The following KIAA0825 variants were observed in gnomAD, a reference collection of about 807,000 sequenced individuals.
KIAA0825 encodes KIAA0825.
In KIAA0825, 119 loss-of-function variants were observed where a neutral mutation model predicts 147.6. That is an observed-to-expected ratio of 0.81 (90% CI 0.69 to 0.94). KIAA0825 has a LOEUF of 0.94. KIAA0825 is among the 40% of genes least tolerant of loss of function. The pLI, the probability that KIAA0825 is intolerant of heterozygous loss-of-function variation, is 0.00. For synonymous variants in KIAA0825, 470 were observed against 518.1 expected (o/e 0.91, Z 1.26); for missense variants, 1,381 against 1,472.7 (o/e 0.94, Z 1.02).
chr5:94,415,291 GT>G (rs999894586), intron 15 of KIAA0825: 3 of 152,082 alleles, frequency 2.0e-5, no homozygotes, highest in Non-Finnish European at 4.4e-5. Flanking sequence ...GTTAATCTGG[GT>G]AGGTTAATTA....
chr5:94,544,044 T>C (rs1029099734), intron 2 of KIAA0825, among the ~76,000 whole-genome samples: 2 of 152,248 alleles, frequency 1.3e-5, no homozygotes, highest in African/African-American at 4.8e-5. Context: ...TTAATACACT[T>C]GCTTTCACTT....
At chr5:94,400,281 A>C (rs571755031) in intron 16 of KIAA0825, among the ~76,000 whole-genome samples, 2 of 152,222 alleles carry the variant, frequency 1.3e-5, no homozygotes, top group East Asian at 3.9e-4. Flanking sequence ...GAAACTTTCC[A>C]TTTGCAATAT....
At chr5:94,475,738 G>C (rs1417161240) in intron 7 of KIAA0825, among the ~76,000 whole-genome samples, 1 of 152,146 alleles carries the variant, frequency 6.6e-6, no homozygotes, top group East Asian at 1.9e-4. Context: ...GAACTTGGGA[G>C]GCGGAGATTG....
chr5:94,358,256 T>TA (rs1744577532), intron 20 of KIAA0825, among the ~76,000 whole-genome samples: 1 of 152,180 alleles, frequency 6.6e-6, no homozygotes, highest in African/African-American at 2.4e-5. Flanking sequence ...TTTTAAAACA[T>TA]AAGCACGAAT....
intron 14 of KIAA0825, among the ~76,000 whole-genome samples, chr5:94,426,033 CATT>C (rs60733170): frequency 3.4e-5 from 5 of 147,482 alleles, no homozygotes; most frequent in Admixed American, 1.3e-4. Flanking sequence ...TTATTATTAT[CATT>C]ATTATTATTA....
chr5:94,384,484 C>A, intron 19 of KIAA0825, 26 bp from the exon 20 acceptor site: 2 of 1,515,068 alleles, frequency 1.3e-6, no homozygotes, highest in South Asian at 1.2e-5. Flanking sequence ...TGAGAAGACA[C>A]TATTGTTAGT....
chr5:94,256,447 T>G (rs1776258563), intron 20 of KIAA0825, among the ~76,000 whole-genome samples: 1 of 152,164 alleles, frequency 6.6e-6, no homozygotes, highest in Non-Finnish European at 1.5e-5. Flanking sequence ...AAAATGTAAA[T>G]TCACTGCTCA....
At chr5:94,573,285 T>C in intron 2 of KIAA0825, among the ~76,000 whole-genome samples, 1 of 150,822 alleles carries the variant, frequency 6.6e-6, no homozygotes, top group East Asian at 1.9e-4. Context: ...TTTTTTTTTT[T>C]TTTGAGAGGG....
Position 94,524,072 on chromosome 5 carries a change from T to C in KIAA0825, c.158A>G (p.Gln53Arg). Reference protein sequence around the residue: ...ASIKHCIKEIQSEINKQCPGV... With the variant: ...ASIKHCIKEIRSEINKQCPGV... The stretch of plus-strand genomic sequence containing the variant: ...TGGACATTGTTTGTTAATTTCGGAC[T>C]GTATCTCTTTAATGCAATGTTTTAT... Residue 53 changes from glutamine (Q) to arginine (R), a missense_variant, in exon 4 of 21, where the codon CAG becomes CGG. Physicochemically the swap from Gln to Arg is conservative, Grantham distance 43. Transcript: ENST00000682413. The C allele has an allele frequency of 1.9e-6, 3 of 1,608,688 alleles. No homozygotes were observed. Among genetic ancestry groups the C allele is most frequent in the Middle Eastern group, 3.3e-4 (2 of 6,050 alleles).
At chr5:94,321,129 C>G (rs1780144695) in intron 20 of KIAA0825, among the ~76,000 whole-genome samples, 1 of 151,896 alleles carries the variant, frequency 6.6e-6, no homozygotes, top group African/African-American at 2.4e-5. Flanking sequence ...ATGAATGAAA[C>G]TATAAATGGC....
At chr5:94,255,809 G>C (rs1384539927) in intron 20 of KIAA0825, among the ~76,000 whole-genome samples, 1 of 143,014 alleles carries the variant, frequency 7.0e-6, no homozygotes, top group Non-Finnish European at 1.5e-5. Flanking sequence ...ACCTCCCCGG[G>C]CTCAGGTGAT....
chr5:94,544,985 C>G (rs1465815482), intron 2 of KIAA0825, among the ~76,000 whole-genome samples: 1 of 151,912 alleles, frequency 6.6e-6, no homozygotes, highest in Non-Finnish European at 1.5e-5. Flanking sequence ...CACCCTCCCT[C>G]ATCCCTTGGC....
intron 20 of KIAA0825, among the ~76,000 whole-genome samples, chr5:94,316,399 C>T (rs1217477298): frequency 6.7e-6 from 1 of 150,368 alleles, no homozygotes; most frequent in Non-Finnish European, 1.5e-5. Flanking sequence ...AAAAAAAAAA[C>T]CTTATATGAA....
chr5:94,526,643 T>C (rs1472095887), intron 3 of KIAA0825, among the ~76,000 whole-genome samples: 1 of 152,014 alleles, frequency 6.6e-6, no homozygotes, highest in Non-Finnish European at 1.5e-5. Flanking sequence ...AAGATATCTA[T>C]GGTAATTTTC....
intron 18 of KIAA0825, among the ~76,000 whole-genome samples, chr5:94,386,674 AT>A (rs1749188667): frequency 6.6e-6 from 1 of 152,204 alleles, no homozygotes; most frequent in Non-Finnish European, 1.5e-5. Context: ...TGTTTGATAT[AT>A]CAGGACCTTT....
chr5:94,244,511 T>G (rs1016265515), intron 20 of KIAA0825, among the ~76,000 whole-genome samples: 3 of 152,056 alleles, frequency 2.0e-5, no homozygotes, highest in Non-Finnish European at 2.9e-5. Flanking sequence ...TTAAAAAAAT[T>G]TTTTTCTTGG....
At chr5:94,207,361 A>G (rs975693866) in intron 20 of KIAA0825, among the ~76,000 whole-genome samples, 2 of 152,110 alleles carry the variant, frequency 1.3e-5, no homozygotes, top group Non-Finnish European at 2.9e-5. Context: ...TGAAAGAATC[A>G]TTTCCCACAC....
intron 20 of KIAA0825, among the ~76,000 whole-genome samples, chr5:94,330,612 A>G (rs1230105190): frequency 6.6e-6 from 1 of 152,198 alleles, no homozygotes; most frequent in Non-Finnish European, 1.5e-5. Context: ...GAAAAGAGAA[A>G]AGATCTCAAA....
chr5:94,405,790 G>A lies in KIAA0825; in HGVS notation c.2663-1997C>T, dbSNP rs943505064. Among the ~76,000 whole-genome samples, 3 of 152,208 alleles carry A rather than the reference G, an allele frequency of 2.0e-5. No homozygotes were observed. The South Asian group carries it at 6.2e-4, about 32-fold the overall frequency. On this transcript the variant is annotated intron_variant, in intron 15 of 20. Transcript: ENST00000682413. ...AGCAGTGGTATACACAGGACTAGAC[G>A]GGATGGCTTGGAGCAATCCACAATC...
Sources: allele counts gnomAD v4.1 joint callset (sites outside exome capture counted in the v4.1 genomes callset), GRCh38; gene constraint gnomAD v4.1.1; transcripts MANE v1.5; gene names NCBI Gene and HGNC (gene_info 2026-07-23, HGNC 2026-07-21).